The following REXO1 variants were observed in gnomAD, a reference collection of about 807,000 sequenced individuals.
The protein encoded by REXO1 is REX1, RNA exonuclease 1 homolog.
A neutral mutation model predicts 102.6 loss-of-function variants in REXO1; 42 were observed. The ratio of observed to expected loss-of-function variants is 0.41; its 90% CI spans 0.32 to 0.53. REXO1 has a LOEUF of 0.53. Among genes scored for constraint, REXO1 ranks in the 20% least tolerant of loss-of-function variants. REXO1 has a pLI of 0.27. For missense variants in REXO1, 1,819 were observed against 1,732.5 expected (o/e 1.05, Z -0.89); for synonymous variants, 908 against 779.1 (o/e 1.17, Z -2.76).
At chr19:1,817,363 G>C (rs749802516) in intron 11 of REXO1, 34 bp from the exon 12 acceptor site, 29 of 1,607,490 alleles carry the variant, frequency 1.8e-5, no homozygotes, top group Non-Finnish European at 2.4e-5. Context: ...GGGCAGCTTC[G>C]GGGTGCAGTG....
intron 1 of REXO1, among the ~76,000 whole-genome samples, chr19:1,837,451 C>T (rs2070072347): frequency 1.3e-5 from 2 of 152,210 alleles, no homozygotes; most frequent in Admixed American, 6.5e-5. Flanking sequence ...TCCCACAGCT[C>T]CTAGACCACA....
chr19:1,847,446 G>A (rs897460484), intron 1 of REXO1, among the ~76,000 whole-genome samples: 1 of 151,940 alleles, frequency 6.6e-6, no homozygotes, highest in African/African-American at 2.4e-5. Flanking sequence ...GAGGTAACAG[G>A]GGAGTCTGAA....
At chr19:1,823,469 C>A in intron 4 of REXO1, 103 bp downstream of exon 4, 1 of 822,090 alleles carries the variant, frequency 1.2e-6, no homozygotes, top group South Asian at 5.1e-5. Context: ...ATCCCATGAG[C>A]AAGCACCATG....
intron 1 of REXO1, among the ~76,000 whole-genome samples, chr19:1,828,990 C>T (rs1436567998): frequency 6.6e-6 from 1 of 152,246 alleles, no homozygotes; most frequent in East Asian, 1.9e-4. Context: ...GGGTGTGGAG[C>T]TCCCAGCATT....
intron 1 of REXO1, among the ~76,000 whole-genome samples, chr19:1,840,129 G>A (rs1296439271): frequency 1.3e-5 from 2 of 152,206 alleles, no homozygotes; most frequent in East Asian, 1.9e-4. Flanking sequence ...TACGCCTGGA[G>A]TGCACGCCAG....
At chr19:1,840,171 C>G (rs2011219324) in intron 1 of REXO1, among the ~76,000 whole-genome samples, 1 of 152,236 alleles carries the variant, frequency 6.6e-6, no homozygotes, top group Non-Finnish European at 1.5e-5. Context: ...CTCTCTGCCA[C>G]CTTCCTGGCC....
At chr19:1,819,190 C>T (rs762954455) in intron 7 of REXO1, 59 bp from the exon 8 acceptor site, 396 of 1,312,676 alleles carry the variant, frequency 3.0e-4, no homozygotes, top group Non-Finnish European at 3.8e-4. Context: ...ACCCCTGCCC[C>T]GCCTGCTCTC....
chr19:1,820,495 G>C, intron 5 of REXO1, 100 bp from the exon 6 acceptor site: 2 of 1,405,248 alleles, frequency 1.4e-6, no homozygotes, highest in South Asian at 1.2e-5. Flanking sequence ...GGAGGCAAGA[G>C]TGAGGTGCGC....
chr19:1,837,228 C>T (rs147150805), intron 1 of REXO1, among the ~76,000 whole-genome samples: 186 of 152,302 alleles, frequency 1.2e-3, no homozygotes, highest in African/African-American at 4.2e-3. Context: ...CTCCTGCGGA[C>T]GGCAGAGTAA....
Position 1,833,450 on chromosome 19 carries a change from T to C in REXO1, c.158-4819A>G, listed in dbSNP as rs568809208. 8.5e-5 allele frequency among the ~76,000 whole-genome samples: 13 copies of C among 152,338 alleles called. No individual in the cohort carries two copies. The South Asian group carries it at 1.9e-3, about 22-fold the overall frequency. ...CCAGCAGGCGCAGAGGGGCCCATTC[T>C]GGCACCATCTCACAGCCAAGGACCC... On this transcript the variant is annotated intron_variant, in intron 1 of 15. Coordinates refer to ENST00000170168, the MANE Select transcript of REXO1 (RefSeq NM_020695.4).
At chr19:1,847,399 G>A (rs1461959095) in intron 1 of REXO1, among the ~76,000 whole-genome samples, 1 of 152,194 alleles carries the variant, frequency 6.6e-6, no homozygotes, top group Non-Finnish European at 1.5e-5. Context: ...AAGGAAGTCA[G>A]GGGCTGGGTG....
chr19:1,820,447 G>A (rs1174295264), intron 5 of REXO1, 52 bp from the exon 6 acceptor site: 4 of 1,602,144 alleles, frequency 2.5e-6, no homozygotes, highest in Non-Finnish European at 3.4e-6. Context: ...AAGGCCTCCA[G>A]CGGGGAACGC....
chr19:1,825,852 T>A lies in REXO1; in HGVS notation c.2003A>T (p.Lys668Met), dbSNP rs2069702340. 6.2e-7 allele frequency: 1 copy of A among 1,611,570 alleles called. No homozygotes were observed. The highest frequency in any genetic ancestry group is 1.3e-5 in the African/African-American group (1 of 74,610). ...TGCGGACCTTACCTCCTGGCCTTGC[T>A]TGGAAAGGTGGGAGATCCTCCTCTT... ...GQKRRISHLS[K>M]QGQEVEPPRR... Residue 668 changes from lysine (K) to methionine (M), a missense_variant, in exon 3 of 16, where the codon AAG (lysine) becomes ATG (methionine). By Grantham distance (95) the Lys-to-Met change is moderately conservative (BLOSUM62 -1). Transcript: ENST00000170168.
rs748945111 is a variant in REXO1, at chr19:1,816,525, G to A, written c.3362C>T (p.Thr1121Met). 2.5e-6 allele frequency: 4 copies of A among 1,611,848 alleles called. No homozygotes were observed. Among genetic ancestry groups the A allele is most frequent in the Non-Finnish European group, 3.4e-6 (4 of 1,179,414 alleles). The part of the protein sequence containing the change: ...TEADLADTSV[T>M]LRDVQAVLLS... The stretch of plus-strand genomic sequence containing the variant: ...CAGAACGGCCTGGACGTCACGCAGC[G>A]TGACACTTGTGTCGGCAAGGTCAGC... Residue 1121 changes from threonine (T) to methionine (M), a missense_variant, in exon 14 of 16, where the codon ACG (threonine) becomes ATG (methionine). Transcript: ENST00000170168.
At chr19:1,839,520 A>C (rs1349150392) in intron 1 of REXO1, among the ~76,000 whole-genome samples, 1 of 152,208 alleles carries the variant, frequency 6.6e-6, no homozygotes, top group Non-Finnish European at 1.5e-5. Flanking sequence ...GGAGGAACCC[A>C]CACACCAGGG....
At chr19:1,835,589 T>C (rs1599160844) in intron 1 of REXO1, among the ~76,000 whole-genome samples, 1 of 152,130 alleles carries the variant, frequency 6.6e-6, no homozygotes, top group African/African-American at 2.4e-5. Context: ...CATAAATGAA[T>C]GCCGACTCTG....
At chr19:1,825,810 C>T (rs946141963) in intron 3 of REXO1, 29 bp downstream of exon 3, 2 of 1,360,532 alleles carry the variant, frequency 1.5e-6, no homozygotes, top group African/African-American at 3.0e-5. Context: ...AAAAAAGGCT[C>T]CTGCTGGCCT....
In REXO1 at chr19:1,827,323, G is replaced by A. The variant is rs751436863; in HGVS notation, c.1466C>T (p.Ser489Leu). The stretch of plus-strand genomic sequence containing the variant: ...GGCTTTCCGCTCCACTAGCTTCCCC[G>A]ACGGGGCCTTGGTGCTCTTCCTGTC... The part of the protein sequence containing the change: ...LPDRKSTKAP[S>L]GKLVERKARS... The change falls in exon 2 of 16, where the codon TCG becomes TTG. Residue 489 changes from serine to leucine, a missense_variant. Coordinates refer to ENST00000170168, the MANE Select transcript of REXO1 (RefSeq NM_020695.4). 86 of 1,558,914 alleles carry A rather than the reference G, an allele frequency of 5.5e-5. No homozygotes were observed. Among genetic ancestry groups the A allele is most frequent in the Non-Finnish European group, 7.0e-5 (81 of 1,157,148 alleles).
chr19:1,823,693 C>T lies in REXO1; in HGVS notation c.2109G>A (p.Arg703=), dbSNP rs1393919841. 1.6e-6 allele frequency: 2 copies of T among 1,282,646 alleles called. No individual in the cohort carries two copies. Among genetic ancestry groups the T allele is most frequent in the African/African-American group, 1.5e-5 (1 of 65,538 alleles). The allele number at this position is 1,282,646 out of a possible 1,614,324, so 79.5% of individuals were successfully genotyped here. Residue 703 remains arginine (R), a synonymous_variant, in exon 4 of 16, where the codon AGG becomes AGA. Transcript: ENST00000170168. ...GGGCCTGCAGCAAGCTCGCCGATGC[C>T]CTCTGCGCCTGCTGGGCCCGCAGGT... The part of the protein sequence containing the change: ...VCYLRAQQAQ[R]ASASLLQAPA...
Sources: gnomAD v4.1 joint callset for allele counts (sites outside exome capture counted in the v4.1 genomes callset) on GRCh38, gnomAD v4.1.1 for gene constraint, MANE v1.5 for transcripts, NCBI Gene and HGNC (gene_info 2026-07-23, HGNC 2026-07-21) for gene names.